The following CCDC158 variants were observed in gnomAD, a reference collection of about 807,000 sequenced individuals.
CCDC158 encodes coiled-coil domain-containing protein 158.
In CCDC158, 116 loss-of-function variants were observed where a neutral mutation model predicts 138.6. The ratio of observed to expected loss-of-function variants is 0.84; its 90% CI spans 0.72 to 0.98. The LOEUF (loss-of-function observed/expected upper bound fraction) is 0.98, where lower values mean the gene tolerates loss of function less well. CCDC158 is among the 50% of genes least tolerant of loss of function. The pLI is 0.00. For missense variants in CCDC158, 1,265 were observed against 1,306.1 expected (o/e 0.97, Z 0.48); for synonymous variants, 436 against 442.4 (o/e 0.99, Z 0.18).
chr4:76,405,780 G>GA (rs1237453978), intron 2 of CCDC158, among the ~76,000 whole-genome samples: 3 of 152,000 alleles, frequency 2.0e-5, no homozygotes, highest in African/African-American at 7.2e-5. Flanking sequence ...GGTCAAGTAA[G>GA]AAAAAGCAGG....
At chr4:76,339,379 C>T (rs534320851) in intron 18 of CCDC158, among the ~76,000 whole-genome samples, 7 of 152,306 alleles carry the variant, frequency 4.6e-5, no homozygotes, top group East Asian at 3.9e-4. Context: ...ACATGTGTTC[C>T]TCTTTCAGCT....
intron 9 of CCDC158, 65 bp from the exon 10 acceptor site, chr4:76,371,601 G>C: frequency 6.4e-7 from 1 of 1,556,198 alleles, no homozygotes; most frequent in Non-Finnish European, 8.8e-7. Flanking sequence ...AATAAATATA[G>C]ACTTTGGAAA....
At chr4:76,391,289 C>T (rs796170595) in intron 4 of CCDC158, among the ~76,000 whole-genome samples, 24 of 152,040 alleles carry the variant, frequency 1.6e-4, no homozygotes, top group African/African-American at 5.1e-4. Flanking sequence ...TAAAACAAGT[C>T]TTAAAACATT....
intron 13 of CCDC158, 134 bp from the exon 14 acceptor site, chr4:76,357,660 G>A (rs1723710640): frequency 1.7e-6 from 1 of 595,750 alleles, no homozygotes; most frequent in Admixed American, 4.0e-5. Context: ...ATCTTCCTTT[G>A]TTACAGAAAT....
intron 18 of CCDC158, chr4:76,345,210 G>C: frequency 1.1e-6 from 1 of 947,108 alleles, no homozygotes; most frequent in South Asian, 1.3e-5. Context: ...ACTTAGGAAA[G>C]TAGAGGGTCA....
rs1162568401 is a variant in CCDC158 at position 76,336,203 on chromosome 4, A to AC, written c.2665-2037_2665-2036insG. Reference sequence around the variant, plus strand: ...TCTCAAAAAAAAAAAAAAAAAAAAAAAAAAAACCATTCAATTTACCATTCA... The same window carrying AC: ...TCTCAAAAAAAAAAAAAAAAAAAAAACAAAAAACCATTCAATTTACCATTCA... On this transcript the variant is annotated intron_variant, in intron 18 of 24. Transcript: ENST00000682701. Among the ~76,000 whole-genome samples, 6 of 150,828 alleles carry AC rather than the reference A, an allele frequency of 4.0e-5. No individual in the cohort carries two copies. In the South Asian group the frequency reaches 1.0e-3, roughly 26 times the overall value.
chr4:76,347,248 T>A (rs547052675), intron 18 of CCDC158, among the ~76,000 whole-genome samples: 2 of 152,242 alleles, frequency 1.3e-5, no homozygotes, highest in African/African-American at 4.8e-5. Context: ...TGCGGCACTA[T>A]TCACAATAGC....
At chr4:76,325,603 G>A (rs1720447261) in intron 23 of CCDC158, among the ~76,000 whole-genome samples, 1 of 151,972 alleles carries the variant, frequency 6.6e-6, no homozygotes, top group South Asian at 2.1e-4. Flanking sequence ...ATAAAATAGA[G>A]GCAAAAATGT....
At position 76,384,573 on chromosome 4, in the gene CCDC158, A is replaced by G. The variant is rs1726608402; in HGVS notation, c.381T>C (p.Asp127=). ...ATCCCAACCTGATGTCAGCCATAGC[A>G]TCTCTCTCCATTTGCATCTCCTGAA... ...TKLQEMQMER[D]AMADIRRRES... The change falls in exon 5 of 25, where the codon GAT becomes GAC. Residue 127 remains aspartate, a synonymous_variant. Coordinates refer to ENST00000682701, the MANE Select transcript of CCDC158 (RefSeq NM_001394954.1). 6.2e-7 allele frequency: 1 copy of G among 1,612,028 alleles called. No individual in the cohort carries two copies. Among genetic ancestry groups the G allele is most frequent in the African/African-American group, 1.3e-5 (1 of 74,876 alleles).
At chr4:76,326,668 T>A (rs550121467) in intron 22 of CCDC158, among the ~76,000 whole-genome samples, 28 of 152,210 alleles carry the variant, frequency 1.8e-4, no homozygotes, top group African/African-American at 6.5e-4. Context: ...TATATTTAAA[T>A]AAGCAATAAT....
chr4:76,367,712 T>G lies in CCDC158; in HGVS notation c.1412A>C (p.Glu471Ala), dbSNP rs1724825439. The G allele has an allele frequency of 6.2e-6, 10 of 1,613,958 alleles. No homozygotes were observed. Among genetic ancestry groups the G allele is most frequent in the Middle Eastern group, 3.3e-4 (2 of 6,084 alleles). Residue 471 changes from glutamate (E) to alanine (A), a missense_variant, in exon 12 of 25, where the codon GAA (glutamate) becomes GCA (alanine). Coordinates refer to ENST00000682701, the MANE Select transcript of CCDC158 (RefSeq NM_001394954.1). ...TTTGCGCAGCATCTCTTTGGTGGAT[T>G]CAAGCTGAGCAGTCAAGGAGGATAC... ...EKVSSLTAQLESTKEMLRKVV... is the reference protein window; with the variant it reads ...EKVSSLTAQLASTKEMLRKVV...
At chr4:76,340,462 T>C (rs1052358389) in intron 18 of CCDC158, among the ~76,000 whole-genome samples, 1 of 152,228 alleles carries the variant, frequency 6.6e-6, no homozygotes, top group Admixed American at 6.5e-5. Flanking sequence ...CTTAAAAGTA[T>C]GTTTGAGACA....
chr4:76,397,005 T>C (rs1203829505), intron 3 of CCDC158, among the ~76,000 whole-genome samples: 1 of 152,136 alleles, frequency 6.6e-6, no homozygotes, highest in Middle Eastern at 3.2e-3. Context: ...GGGGCCTTCT[T>C]GGGAGAAGGT....
intron 7 of CCDC158, 105 bp downstream of exon 7, chr4:76,383,557 A>C: frequency 1.3e-6 from 1 of 764,814 alleles, no homozygotes; most frequent in Non-Finnish European, 2.3e-6. Context: ...CTATAAAAAA[A>C]CTTATGTGTT....
chr4:76,382,947 G>C (rs1726416408), intron 7 of CCDC158, among the ~76,000 whole-genome samples: 1 of 151,980 alleles, frequency 6.6e-6, no homozygotes, highest in Non-Finnish European at 1.5e-5. Flanking sequence ...ATTTTACAAT[G>C]GTAATAAATT....
intron 18 of CCDC158, among the ~76,000 whole-genome samples, chr4:76,343,989 G>C (rs1722303437): frequency 6.6e-6 from 1 of 152,144 alleles, no homozygotes; most frequent in Non-Finnish European, 1.5e-5. Flanking sequence ...ACATAGTATT[G>C]GAAGTTCTGG....
At chr4:76,417,348 A>G (rs1037428869) in intron 1 of CCDC158, among the ~76,000 whole-genome samples, 3 of 152,118 alleles carry the variant, frequency 2.0e-5, no homozygotes, top group Admixed American at 1.3e-4. Flanking sequence ...GGCTCGTCTC[A>G]GATGAGACTT....
intron 12 of CCDC158, among the ~76,000 whole-genome samples, 184 bp from the exon 13 acceptor site, chr4:76,362,499 T>G (rs1320752891): frequency 6.6e-6 from 1 of 152,228 alleles, no homozygotes; most frequent in Non-Finnish European, 1.5e-5. Flanking sequence ...GGACACTAAA[T>G]TTGTATTTTA....
At chr4:76,390,137 A>G (rs1462196267) in intron 4 of CCDC158, among the ~76,000 whole-genome samples, 1 of 152,160 alleles carries the variant, frequency 6.6e-6, no homozygotes, top group Non-Finnish European at 1.5e-5. Flanking sequence ...CAAAAGTAAT[A>G]ATAACTTTTC....
Sources: gnomAD v4.1 joint callset for allele counts (sites outside exome capture counted in the v4.1 genomes callset) on GRCh38, gnomAD v4.1.1 for gene constraint, MANE v1.5 for transcripts, NCBI Gene and HGNC (gene_info 2026-07-23, HGNC 2026-07-21) for gene names.